PLCB1: variants seen among roughly 807,000 people sequenced by gnomAD.
The protein encoded by PLCB1 is phospholipase C beta 1.
PLCB1 carries 46 observed loss-of-function variants against 161.8 expected under a neutral mutation model. The ratio of observed to expected loss-of-function variants is 0.28; its 90% CI spans 0.22 to 0.36. The LOEUF (loss-of-function observed/expected upper bound fraction) is 0.36, where lower values mean the gene tolerates loss of function less well. Ranked by LOEUF, PLCB1 falls within the 10% of genes least tolerant of loss-of-function variation. The pLI, the probability that PLCB1 is intolerant of heterozygous loss-of-function variation, is 1.00. For missense variants in PLCB1, 1,016 were observed against 1,472.5 expected (o/e 0.69, Z 5.07); for synonymous variants, 517 against 503.7 (o/e 1.03, Z -0.35).
chr20:8,800,659 A>G (rs1334607679), intron 31 of PLCB1, among the ~76,000 whole-genome samples: 1 of 152,148 alleles, frequency 6.6e-6, no homozygotes, highest in Non-Finnish European at 1.5e-5. Context: ...ATTGTTTTCT[A>G]TCTTTGGCTG....
intron 10 of PLCB1, among the ~76,000 whole-genome samples, chr20:8,686,634 G>C (rs1990365693): frequency 6.6e-6 from 1 of 152,024 alleles, no homozygotes. Flanking sequence ...TATCACTAGG[G>C]TTTTCAGATT....
intron 13 of PLCB1, among the ~76,000 whole-genome samples, 171 bp from the exon 14 acceptor site, chr20:8,717,500 A>T (rs1193473313): frequency 6.6e-6 from 1 of 152,194 alleles, no homozygotes; most frequent in African/African-American, 2.4e-5. Flanking sequence ...TATATCTTTG[A>T]TATAAAAAAA....
intron 2 of PLCB1, among the ~76,000 whole-genome samples, chr20:8,315,491 A>G (rs1483876837): frequency 2.0e-5 from 3 of 152,206 alleles, no homozygotes; most frequent in Non-Finnish European, 4.4e-5. Flanking sequence ...TACAACAGAA[A>G]GAGAAATAAC....
At chr20:8,778,240 A>G (rs1207746499) in intron 27 of PLCB1, among the ~76,000 whole-genome samples, 1 of 152,194 alleles carries the variant, frequency 6.6e-6, no homozygotes, top group African/African-American at 2.4e-5. Flanking sequence ...CAGAGTACAG[A>G]TGAAAACAGA....
chr20:8,869,984 G>A (rs1234264158), intron 31 of PLCB1, among the ~76,000 whole-genome samples: 1 of 152,364 alleles, frequency 6.6e-6, no homozygotes, highest in East Asian at 1.9e-4. Flanking sequence ...AGGAGTGAAA[G>A]CTAAGTAAGG....
At chr20:8,867,555 T>C (rs1190513542) in intron 31 of PLCB1, among the ~76,000 whole-genome samples, 3 of 152,226 alleles carry the variant, frequency 2.0e-5, no homozygotes, top group Non-Finnish European at 2.9e-5. Flanking sequence ...TTATTGATTT[T>C]TTTTCAGGGT....
Position 8,632,034 on chromosome 20 carries a change from GCTTTTTTTT to G in PLCB1, c.384+3604_384+3612del, listed in dbSNP as rs1163169908. Among the ~76,000 whole-genome samples, 376 of 81,710 alleles carry G rather than the reference GCTTTTTTTT, an allele frequency of 4.6e-3. 13 individuals are homozygous for G. The highest frequency in any genetic ancestry group is 0.013 in the East Asian group (21 of 1,606). The allele number at this position is 81,710 out of a possible 152,430, so 53.6% of individuals were successfully genotyped here. On this transcript the variant is annotated intron_variant, in intron 4 of 31. Transcript: ENST00000338037. The stretch of plus-strand genomic sequence containing the variant: ...GAGGAGACAAATATGGGTTTTTTTT[GCTTTTTTTT>G]TTTTTTTTTTTTTTTTTTTTTTTTG...
intron 3 of PLCB1, among the ~76,000 whole-genome samples, chr20:8,539,696 C>G (rs1985227267): frequency 7.7e-6 from 1 of 129,796 alleles, no homozygotes; most frequent in Non-Finnish European, 1.7e-5. Context: ...TTTTCTTTTT[C>G]CTTCCTTCCT....
At chr20:8,395,432 C>T (rs1281747703) in intron 3 of PLCB1, among the ~76,000 whole-genome samples, 2 of 151,748 alleles carry the variant, frequency 1.3e-5, no homozygotes, top group African/African-American at 4.8e-5. Flanking sequence ...TTAGTTCTGT[C>T]CTACACATAT....
chr20:8,549,381 A>G (rs1985690466), intron 3 of PLCB1, among the ~76,000 whole-genome samples: 1 of 152,162 alleles, frequency 6.6e-6, no homozygotes, highest in Non-Finnish European at 1.5e-5. Context: ...CCAGGTGGCT[A>G]AGGGACTGCA....
intron 2 of PLCB1, among the ~76,000 whole-genome samples, chr20:8,317,312 C>A (rs899717620): frequency 6.6e-6 from 1 of 152,102 alleles, no homozygotes; most frequent in Non-Finnish European, 1.5e-5. Context: ...TGGGCCCTAT[C>A]CCCAGAATGG....
At chr20:8,386,676 G>A (rs990168105) in intron 3 of PLCB1, among the ~76,000 whole-genome samples, 1 of 152,200 alleles carries the variant, frequency 6.6e-6, no homozygotes, top group Non-Finnish European at 1.5e-5. Context: ...AAGCTTTGAA[G>A]TCAGGCATTG....
Position 8,760,446 on chromosome 20 carries a change from A to G in PLCB1, c.2696A>G (p.Gln899Arg), listed in dbSNP as rs759522164. The change falls in exon 25 of 32, where the codon CAG becomes CGG. Residue 899 changes from glutamine to arginine, a missense_variant. Physicochemically the swap from Gln to Arg is conservative, Grantham distance 43. Coordinates refer to ENST00000338037, the MANE Select transcript of PLCB1 (RefSeq NM_015192.4). ...KAPAKTEDLI[Q>R]SVLTEVEAQT... The stretch of plus-strand genomic sequence containing the variant: ...CCTGCCAAAACAGAAGATCTTATTC[A>G]GAGTGTCTTAACAGGTAAATGCCAC... The G allele has an allele frequency of 1.2e-6, 2 of 1,610,950 alleles. No homozygotes were observed. Among genetic ancestry groups the G allele is most frequent in the East Asian group, 4.5e-5 (2 of 44,806 alleles).
At chr20:8,627,133 G>GT (rs11481129) in intron 3 of PLCB1, among the ~76,000 whole-genome samples, 34,713 of 151,980 alleles carry the variant, frequency 0.23, 4,311 homozygotes, top group Admixed American at 0.32. Context: ...TTGAAATGGG[G>GT]TTTTCTTTCT....
At chr20:8,862,903 G>A (rs1045230851) in intron 31 of PLCB1, among the ~76,000 whole-genome samples, 16 of 152,162 alleles carry the variant, frequency 1.1e-4, no homozygotes, top group Non-Finnish European at 1.3e-4. Flanking sequence ...GGGAAGTAGA[G>A]AAGTGAAGCA....
At chr20:8,235,192 T>C (rs73897363) in intron 2 of PLCB1, among the ~76,000 whole-genome samples, 1 of 152,094 alleles carries the variant, frequency 6.6e-6, no homozygotes, top group Non-Finnish European at 1.5e-5. Flanking sequence ...TTTAGAGATA[T>C]ATGTGGAGCT....
intron 3 of PLCB1, among the ~76,000 whole-genome samples, chr20:8,583,911 AT>A (rs1986908621): frequency 6.6e-6 from 1 of 152,112 alleles, no homozygotes; most frequent in Admixed American, 6.6e-5. Context: ...GTCTGGAAAA[AT>A]CATAAAAAGG....
chr20:8,731,483 CTG>C (rs1357508611), intron 18 of PLCB1, among the ~76,000 whole-genome samples: 1 of 151,900 alleles, frequency 6.6e-6, no homozygotes, highest in African/African-American at 2.4e-5. Context: ...ATAAGTTTCA[CTG>C]TTGTGATATC....
At chr20:8,176,212 A>G (rs1370365251) in intron 2 of PLCB1, among the ~76,000 whole-genome samples, 1 of 152,232 alleles carries the variant, frequency 6.6e-6, no homozygotes, top group Non-Finnish European at 1.5e-5. Context: ...AAGCAGCTTT[A>G]TTAATAATAG....
Sources: allele counts gnomAD v4.1 joint callset (sites outside exome capture counted in the v4.1 genomes callset), GRCh38; gene constraint gnomAD v4.1.1; transcripts MANE v1.5; gene names NCBI Gene and HGNC (gene_info 2026-07-23, HGNC 2026-07-21).